MAP4: variants seen among roughly 807,000 people sequenced by gnomAD.
MAP4 encodes the protein microtubule-associated protein 4.
MAP4 carries 76 observed loss-of-function variants against 170.2 expected under a neutral mutation model. The ratio of observed to expected loss-of-function variants is 0.45; its 90% CI spans 0.37 to 0.54. The LOEUF is 0.54. MAP4 is among the 20% of genes least tolerant of loss of function. The pLI is 0.00. For missense variants in MAP4, 2,506 were observed against 2,748.0 expected (o/e 0.91, Z 1.97); for synonymous variants, 909 against 994.5 (o/e 0.91, Z 1.62).
chr3:48,085,750 C>T (rs1172489586), intron 1 of MAP4, among the ~76,000 whole-genome samples: 2 of 152,078 alleles, frequency 1.3e-5, no homozygotes, highest in East Asian at 1.9e-4. Flanking sequence ...GGTGAAACCC[C>T]ATCTTTACTA....
chr3:48,050,692 G>A (rs1379148866), intron 1 of MAP4, among the ~76,000 whole-genome samples: 1 of 151,514 alleles, frequency 6.6e-6, no homozygotes, highest in Non-Finnish European at 1.5e-5. Context: ...GCGGATCACA[G>A]GTCAAGAGAT....
At chr3:48,063,494 C>T (rs1457562785) in intron 1 of MAP4, among the ~76,000 whole-genome samples, 1 of 151,996 alleles carries the variant, frequency 6.6e-6, no homozygotes, top group Non-Finnish European at 1.5e-5. Context: ...AATTGCACTC[C>T]TTGATATTTA....
intron 1 of MAP4, among the ~76,000 whole-genome samples, chr3:48,072,018 C>G (rs550826405): frequency 6.6e-6 from 1 of 151,864 alleles, no homozygotes; most frequent in Non-Finnish European, 1.5e-5. Context: ...GTCAGGAGTT[C>G]GAGACCAGCC....
intron 19 of MAP4, among the ~76,000 whole-genome samples, chr3:47,854,405 G>C (rs369437187): frequency 3.9e-5 from 6 of 152,234 alleles, no homozygotes; most frequent in African/African-American, 1.2e-4. Context: ...ATGGGACAGG[G>C]GACGGGCTGG....
At chr3:47,954,904 T>C (rs1432816826) in intron 3 of MAP4, among the ~76,000 whole-genome samples, 2 of 152,240 alleles carry the variant, frequency 1.3e-5, no homozygotes, top group Non-Finnish European at 2.9e-5. Flanking sequence ...ATTGGCTTTC[T>C]GACCCAACTG....
intron 3 of MAP4, among the ~76,000 whole-genome samples, chr3:47,977,483 T>C (rs1376295246): frequency 6.6e-6 from 1 of 152,200 alleles, no homozygotes; most frequent in Non-Finnish European, 1.5e-5. Context: ...TTCCTAACAT[T>C]GAACTGTAGA....
chr3:47,891,066 G>A (rs762036522), intron 10 of MAP4: 13 of 1,529,546 alleles, frequency 8.5e-6, no homozygotes, highest in Non-Finnish European at 1.1e-5. Flanking sequence ...GGAGTGCTCT[G>A]GGTTGCAGTG....
intron 3 of MAP4, among the ~76,000 whole-genome samples, chr3:47,970,600 A>C (rs1466232039): frequency 6.6e-6 from 1 of 151,722 alleles, no homozygotes; most frequent in African/African-American, 2.4e-5. Context: ...ACCTGAGGTC[A>C]GGAGTTCGAG....
Position 47,877,444 on chromosome 3 carries a change from G to A in MAP4, c.5514C>T (p.Leu1838=). 6.2e-7 allele frequency: 1 copy of A among 1,614,060 alleles called. No individual in the cohort carries two copies. The part of the protein sequence containing the change: ...NDITTPPNKE[L]PPSPEKKTKP... The stretch of plus-strand genomic sequence containing the variant: ...TTGTTTTCTTCTCTGGGCTTGGTGG[G>A]AGCTCCTTGTTCGGTGGGGTGGTGA... The change falls in exon 11 of 21, where the codon CTC becomes CTT. Residue 1838 remains leucine (L), a synonymous_variant. Transcript: ENST00000683076.
intron 1 of MAP4, among the ~76,000 whole-genome samples, chr3:48,061,608 C>A (rs1195691181): frequency 1.3e-5 from 2 of 151,328 alleles, no homozygotes; most frequent in Non-Finnish European, 3.0e-5. Flanking sequence ...TCTGCCCGGC[C>A]GCCACCCCGT....
Position 47,911,531 on chromosome 3 carries a change from TGG to T in MAP4, c.2888_2889del (p.Pro963HisfsTer17), listed in dbSNP as rs1559425492. The T allele has an allele frequency of 6.5e-7, 1 of 1,536,014 alleles. No homozygotes were observed. The highest frequency in any genetic ancestry group is 2.0e-5 in the Admixed American group (1 of 50,978). ...AAATTTGGTATTTCTTTTGCTGCTG[TGG>T]GTTTTGAAACTACACCCATAACCTC... is the stretch of plus-strand genomic sequence containing the variant. ...DQEVMGVVSK[P>X]TAAKEIPNLV... On this transcript the variant is annotated frameshift_variant, in exon 9 of 21. Coordinates refer to ENST00000683076, the MANE Select transcript of MAP4 (RefSeq NM_001385682.1). LOFTEE classifies it high-confidence loss of function. This position sits in a 1 kb window ranked among gnomAD's most constrained non-coding sequence, Gnocchi z 4.0.
intron 3 of MAP4, among the ~76,000 whole-genome samples, chr3:47,966,029 C>T (rs925339814): frequency 6.6e-6 from 1 of 151,714 alleles, no homozygotes; most frequent in Admixed American, 6.6e-5. Context: ...GGTCTTTGAT[C>T]CATTTTAAGT....
intron 3 of MAP4, 106 bp from the exon 4 acceptor site, chr3:47,928,456 T>C (rs1223686672): frequency 3.4e-6 from 4 of 1,169,186 alleles, no homozygotes; most frequent in Admixed American, 4.6e-5. Flanking sequence ...TAAAAAATCC[T>C]ATCTAGCTAG....
chr3:47,926,283 A>G (rs1227967868), intron 4 of MAP4, among the ~76,000 whole-genome samples: 1 of 151,992 alleles, frequency 6.6e-6, no homozygotes, highest in Non-Finnish European at 1.5e-5. Context: ...TCCCGGGCTC[A>G]AACGATCCTC....
chr3:47,943,820 G>A (rs1292424248), intron 3 of MAP4, among the ~76,000 whole-genome samples: 1 of 151,926 alleles, frequency 6.6e-6, no homozygotes, highest in Non-Finnish European at 1.5e-5. Context: ...CAGAAATTCT[G>A]CTGGATGTGT....
chr3:48,011,530 G>C (rs1310189196), intron 1 of MAP4, among the ~76,000 whole-genome samples: 1 of 149,330 alleles, frequency 6.7e-6, no homozygotes, highest in African/African-American at 2.5e-5. Context: ...TCCAGCCTAC[G>C]TAACAGAGCA....
rs1225571345 is a variant in MAP4 at position 47,917,017 on chromosome 3, G to A, written c.810C>T (p.Thr270=). The A allele has an allele frequency of 9.9e-6, 16 of 1,614,058 alleles. No homozygotes were observed. Among genetic ancestry groups the A allele is most frequent in the South Asian group, 2.2e-5 (2 of 91,074 alleles). The stretch of plus-strand genomic sequence containing the variant: ...CCATATCTTTAGCCAATGCCACCTC[G>A]GTTTTTGTAGCTAGTGCCATGTCCT... ...LAKDMALATK[T]EVALAKDMES... Residue 270 remains threonine (T), a synonymous_variant, in exon 7 of 21, where the codon ACC becomes ACT. Transcript: ENST00000683076.
At chr3:47,952,818 G>A (rs2100065326) in intron 3 of MAP4, among the ~76,000 whole-genome samples, 1 of 151,970 alleles carries the variant, frequency 6.6e-6, no homozygotes, top group Non-Finnish European at 1.5e-5. Context: ...CAACTACTCG[G>A]GAGGCTGAGG....
At chr3:48,084,745 T>C (rs2100148248) in intron 1 of MAP4, among the ~76,000 whole-genome samples, 1 of 151,852 alleles carries the variant, frequency 6.6e-6, no homozygotes, top group Admixed American at 6.6e-5. Context: ...CTAGCTAAGT[T>C]TGTTGTTGTT....
Sources: gnomAD v4.1 joint callset for allele counts (sites outside exome capture counted in the v4.1 genomes callset) on GRCh38, gnomAD v4.1.1 for gene constraint, Gnocchi (gnomAD v3.1) non-coding constraint, MANE v1.5 for transcripts, NCBI Gene and HGNC (gene_info 2026-07-23, HGNC 2026-07-21) for gene names.